Variants in UNC5D observed in about 807,000 individuals in gnomAD.
The protein encoded by UNC5D is netrin receptor UNC5D.
In UNC5D, 39 loss-of-function variants were observed where a neutral mutation model predicts 105.4. The observed-to-expected ratio is 0.37, with a 90% CI of 0.29 to 0.48. The LOEUF is 0.48. Ranked by LOEUF, UNC5D falls within the 20% of genes least tolerant of loss-of-function variation. The pLI is 0.98. For missense variants in UNC5D, 991 were observed against 1,202.4 expected, an observed-to-expected ratio of 0.82 and a Z score of 2.60; for synonymous variants, 452 against 450.4, an observed-to-expected ratio of 1.00 and a Z score of -0.04.
intron 7 of UNC5D, among the ~76,000 whole-genome samples, chr8:35,692,326 G>A (rs149458746): frequency 6.6e-6 from 1 of 152,278 alleles, no homozygotes; most frequent in African/African-American, 2.4e-5. Context: ...TGTAATCACA[G>A]GAAAGGCATG....
Position 35,629,792 on chromosome 8 carries a change from C to G in UNC5D, c.570+34135C>G, listed in dbSNP as rs146857530. On this transcript the variant is annotated intron_variant, in intron 4 of 16. Transcript: ENST00000404895. ...AATTTCTAGAACACATCTTTAGCTT[C>G]TGTGTTATAATGTATTGTCTGTTTT... 1.3e-3 allele frequency among the ~76,000 whole-genome samples: 202 copies of G among 152,270 alleles called. 1 individual carries two copies. Among genetic ancestry groups the G allele is most frequent in the African/African-American group, 4.7e-3 (195 of 41,558 alleles).
chr8:35,473,023 T>G (rs939151233), intron 1 of UNC5D, among the ~76,000 whole-genome samples: 1 of 152,172 alleles, frequency 6.6e-6, no homozygotes, highest in Non-Finnish European at 1.5e-5. Context: ...TAAAATAGAA[T>G]GTGAAAATAA....
intron 14 of UNC5D, among the ~76,000 whole-genome samples, chr8:35,759,752 C>G (rs1801433310): frequency 6.6e-6 from 1 of 152,096 alleles, no homozygotes; most frequent in African/African-American, 2.4e-5. Flanking sequence ...GTTGAAGATG[C>G]CAGTTTAACA....
intron 4 of UNC5D, among the ~76,000 whole-genome samples, chr8:35,606,891 A>C (rs535126340): frequency 5.3e-5 from 8 of 152,218 alleles, no homozygotes; most frequent in Non-Finnish European, 8.8e-5. Context: ...AGATTGGTAG[A>C]GGATTCCTAT....
chr8:35,302,678 A>G (rs1808049811), intron 1 of UNC5D, among the ~76,000 whole-genome samples: 1 of 152,200 alleles, frequency 6.6e-6, no homozygotes, highest in Non-Finnish European at 1.5e-5. Flanking sequence ...ATTTGTGAAG[A>G]TCTTGTATTG....
chr8:35,772,063 G>A (rs543072373), intron 15 of UNC5D, among the ~76,000 whole-genome samples: 1 of 152,172 alleles, frequency 6.6e-6, no homozygotes, highest in East Asian at 1.9e-4. Flanking sequence ...TATAAATACT[G>A]GAATAGTTTT....
chr8:35,353,050 T>A (rs1489732591), intron 1 of UNC5D, among the ~76,000 whole-genome samples: 1 of 152,118 alleles, frequency 6.6e-6, no homozygotes, highest in Non-Finnish European at 1.5e-5. Flanking sequence ...GCCATTGAAG[T>A]AAAGTTTGAC....
At chr8:35,328,949 C>T (rs571848528) in intron 1 of UNC5D, among the ~76,000 whole-genome samples, 63 of 152,214 alleles carry the variant, frequency 4.1e-4, no homozygotes, top group African/African-American at 1.5e-3. Context: ...TGCCCCAATT[C>T]CCTGCTTTAA....
At chr8:35,398,561 A>G (rs1466717808) in intron 1 of UNC5D, among the ~76,000 whole-genome samples, 1 of 150,980 alleles carries the variant, frequency 6.6e-6, no homozygotes, top group Non-Finnish European at 1.5e-5. Context: ...TGTTTATTCC[A>G]CTCGCTGTAT....
At chr8:35,299,340 A>G (rs1439197025) in intron 1 of UNC5D, among the ~76,000 whole-genome samples, 2 of 152,170 alleles carry the variant, frequency 1.3e-5, no homozygotes, top group Non-Finnish European at 2.9e-5. Flanking sequence ...GAGAGTTGCT[A>G]AGCCTGGAAA....
chr8:35,480,165 C>T (rs766410212), intron 1 of UNC5D, among the ~76,000 whole-genome samples: 6 of 152,072 alleles, frequency 3.9e-5, no homozygotes, highest in Non-Finnish European at 8.8e-5. Context: ...AGCATATCAC[C>T]TTTCTAGAAC....
At chr8:35,652,828 C>G (rs1047769422) in intron 4 of UNC5D, among the ~76,000 whole-genome samples, 1 of 150,224 alleles carries the variant, frequency 6.7e-6, no homozygotes, top group Non-Finnish European at 1.5e-5. Flanking sequence ...TTCTCTTGAT[C>G]TCACATGACT....
At chr8:35,763,836 GC>G (rs1453222294) in intron 14 of UNC5D, among the ~76,000 whole-genome samples, 1 of 152,136 alleles carries the variant, frequency 6.6e-6, no homozygotes, top group Non-Finnish European at 1.5e-5. Context: ...TGAAGGCCAG[GC>G]AGGAGACAGA....
chr8:35,748,409 T>A (rs1433988996), intron 11 of UNC5D, 118 bp from the exon 12 acceptor site: 8 of 1,083,706 alleles, frequency 7.4e-6, no homozygotes, highest in Non-Finnish European at 7.7e-6. Flanking sequence ...TAAAAGAAAA[T>A]CCTGGAAAGG....
intron 1 of UNC5D, among the ~76,000 whole-genome samples, chr8:35,270,126 T>C (rs185596185): frequency 6.6e-6 from 1 of 152,318 alleles, no homozygotes; most frequent in Admixed American, 6.5e-5. Flanking sequence ...TGAACTTTTC[T>C]TTCCACCAGC....
At chr8:35,337,778 G>T (rs555116123) in intron 1 of UNC5D, among the ~76,000 whole-genome samples, 1 of 151,212 alleles carries the variant, frequency 6.6e-6, no homozygotes, top group Non-Finnish European at 1.5e-5. Flanking sequence ...AAAACAGATA[G>T]CCAAGGAAGT....
At chr8:35,690,727 T>A (rs1826334349) in intron 7 of UNC5D, among the ~76,000 whole-genome samples, 2 of 152,206 alleles carry the variant, frequency 1.3e-5, no homozygotes, top group African/African-American at 4.8e-5. Flanking sequence ...TGGTACTCTG[T>A]CGGAGTGCTC....
intron 1 of UNC5D, among the ~76,000 whole-genome samples, chr8:35,385,884 A>C (rs1357390317): frequency 6.6e-6 from 1 of 152,204 alleles, no homozygotes; most frequent in East Asian, 1.9e-4. Context: ...CATGGTTCAC[A>C]ATAATTTCTG....
intron 3 of UNC5D, among the ~76,000 whole-genome samples, chr8:35,588,467 C>G (rs1818943126): frequency 6.6e-6 from 1 of 152,152 alleles, no homozygotes; most frequent in Non-Finnish European, 1.5e-5. Context: ...ATATTACTCT[C>G]TGAGAAACTT....
Sources: gnomAD v4.1 joint callset for allele counts (sites outside exome capture counted in the v4.1 genomes callset) on GRCh38, gnomAD v4.1.1 for gene constraint, MANE v1.5 for transcripts, NCBI Gene and HGNC (gene_info 2026-07-23, HGNC 2026-07-21) for gene names.